ERC2: variants seen among roughly 807,000 people sequenced by gnomAD.
ERC2 encodes ERC protein 2.
Under a neutral mutation model 114.8 loss-of-function variants are expected in ERC2, and 42 were observed. The ratio of observed to expected loss-of-function variants is 0.37; its 90% CI spans 0.29 to 0.47. The LOEUF is 0.47. Ranked by LOEUF, ERC2 falls within the 20% of genes least tolerant of loss-of-function variation. ERC2 has a pLI of 0.99. For missense variants in ERC2, 939 were observed against 1,150.7 expected, an observed-to-expected ratio of 0.82 and a Z score of 2.66; for synonymous variants, 454 against 425.5, an observed-to-expected ratio of 1.07 and a Z score of -0.82.
At chr3:55,531,308 T>A (rs2053650896) in intron 17 of ERC2, among the ~76,000 whole-genome samples, 1 of 152,114 alleles carries the variant, frequency 6.6e-6, no homozygotes, top group East Asian at 1.9e-4. Context: ...GATGCAACCC[T>A]CAAGTCACAA....
intron 8 of ERC2, among the ~76,000 whole-genome samples, chr3:56,014,886 C>T (rs900179929): frequency 6.6e-6 from 1 of 152,072 alleles, no homozygotes; most frequent in Non-Finnish European, 1.5e-5. Context: ...ACAAATAAAA[C>T]TACTGCAGAG....
At chr3:55,675,983 C>T (rs1324488432) in intron 17 of ERC2, among the ~76,000 whole-genome samples, 3 of 127,326 alleles carry the variant, frequency 2.4e-5, no homozygotes, top group East Asian at 2.4e-4. Context: ...TGCAATGGCA[C>T]GGTCTCTGCT....
intron 14 of ERC2, among the ~76,000 whole-genome samples, chr3:55,747,493 C>A (rs772943343): frequency 1.3e-5 from 2 of 152,048 alleles, no homozygotes; most frequent in Non-Finnish European, 2.9e-5. Context: ...ACTGAAAGTC[C>A]AAATGAGTGA....
chr3:55,905,890 T>C (rs1028578960), intron 13 of ERC2, among the ~76,000 whole-genome samples: 1 of 152,186 alleles, frequency 6.6e-6, no homozygotes, highest in African/African-American at 2.4e-5. Flanking sequence ...TCCCTTCAGA[T>C]AAAGGAGCTG....
intron 14 of ERC2, among the ~76,000 whole-genome samples, chr3:55,799,782 G>A (rs1327612534): frequency 3.9e-5 from 6 of 152,116 alleles, no homozygotes; most frequent in Admixed American, 3.9e-4. Context: ...GCTTCCACCA[G>A]AGAACATTAT....
At chr3:56,179,301 C>T (rs141495409) in intron 3 of ERC2, among the ~76,000 whole-genome samples, 286 of 151,952 alleles carry the variant, frequency 1.9e-3, no homozygotes, top group African/African-American at 6.5e-3. Flanking sequence ...CAAAGAAGTG[C>T]AGGGGTGGGT....
intron 2 of ERC2, among the ~76,000 whole-genome samples, chr3:56,324,330 C>G (rs534086602): frequency 1.4e-3 from 217 of 152,320 alleles, no homozygotes; most frequent in Non-Finnish European, 2.2e-3. Flanking sequence ...CAGGGCCCAA[C>G]AGGCCACAAT....
Position 55,670,019 on chromosome 3 carries a change from T to C in ERC2, c.*39+13775A>G, listed in dbSNP as rs2061498406. 2.6e-5 allele frequency among the ~76,000 whole-genome samples: 4 copies of C among 152,190 alleles called. No individual in the cohort carries two copies. The South Asian group carries it at 6.2e-4, about 24-fold the overall frequency. On this transcript the variant is annotated intron_variant, in intron 17 of 17. Transcript: ENST00000288221. ...GAAAATAAAAACAACAAGGCTAGTA[T>C]TTATGGAGTGCCTTACTATGTACTA...
chr3:56,465,594 A>G (rs1476910939), intron 1 of ERC2, among the ~76,000 whole-genome samples: 3 of 152,208 alleles, frequency 2.0e-5, no homozygotes, highest in Non-Finnish European at 2.9e-5. Context: ...TTAAAACTCT[A>G]ATTGGAAATT....
intron 3 of ERC2, among the ~76,000 whole-genome samples, chr3:56,245,511 TG>T (rs2051625279): frequency 3.8e-5 from 1 of 26,312 alleles, no homozygotes; most frequent in Non-Finnish European, 6.6e-5. Context: ...TGTGGTATGT[TG>T]TGTGTGTGTG....
At chr3:55,883,962 T>A (rs1364845939) in intron 14 of ERC2, among the ~76,000 whole-genome samples, 1 of 152,090 alleles carries the variant, frequency 6.6e-6, no homozygotes, top group African/African-American at 2.4e-5. Context: ...ATAATGTTAA[T>A]AGATATGTAA....
chr3:56,268,801 C>T (rs1015510030), intron 3 of ERC2, among the ~76,000 whole-genome samples: 23 of 152,308 alleles, frequency 1.5e-4, no homozygotes, highest in African/African-American at 4.8e-4. Context: ...TCTAACAAAA[C>T]GTATCGCTTT....
chr3:55,965,325 A>G (rs6770904), intron 12 of ERC2, among the ~76,000 whole-genome samples: 57,791 of 152,142 alleles, frequency 0.38, 11,248 homozygotes, highest in Admixed American at 0.48. Flanking sequence ...GGACATTTAA[A>G]ATGCAGCCCA....
At chr3:56,058,575 G>T (rs6445764) in intron 7 of ERC2, among the ~76,000 whole-genome samples, 99,966 of 152,112 alleles carry the variant, frequency 0.66, 33,799 homozygotes, top group East Asian at 0.75. Flanking sequence ...GATGACACAT[G>T]AAGTCAGTGG....
chr3:56,263,954 T>A (rs887467781), intron 3 of ERC2, among the ~76,000 whole-genome samples: 1 of 152,140 alleles, frequency 6.6e-6, no homozygotes, highest in Non-Finnish European at 1.5e-5. Flanking sequence ...TTATTATACA[T>A]TGTGACCACA....
chr3:56,074,133 A>AT (rs1316081905), intron 7 of ERC2, among the ~76,000 whole-genome samples: 1 of 152,132 alleles, frequency 6.6e-6, no homozygotes, highest in Non-Finnish European at 1.5e-5. Context: ...AAAGTTAATG[A>AT]TCCCACTTGT....
intron 12 of ERC2, among the ~76,000 whole-genome samples, 171 bp from the exon 13 acceptor site, chr3:55,950,731 T>A (rs1345498963): frequency 1.3e-5 from 2 of 152,192 alleles, no homozygotes; most frequent in Admixed American, 1.3e-4. Flanking sequence ...GAGCATCCAC[T>A]TAATACCAGG....
chr3:55,743,680 A>G (rs2066125410), intron 14 of ERC2, among the ~76,000 whole-genome samples: 1 of 152,042 alleles, frequency 6.6e-6, no homozygotes, highest in African/African-American at 2.4e-5. Flanking sequence ...TAAAAAACAT[A>G]CCCACACAAA....
chr3:55,750,709 A>G (rs751286908), intron 14 of ERC2, among the ~76,000 whole-genome samples: 18 of 152,242 alleles, frequency 1.2e-4, no homozygotes, highest in African/African-American at 2.2e-4. Context: ...TCCTAGTTGC[A>G]TAACTTTCAA....
Sources: gnomAD v4.1 joint callset for allele counts (sites outside exome capture counted in the v4.1 genomes callset) on GRCh38, gnomAD v4.1.1 for gene constraint, MANE v1.5 for transcripts, NCBI Gene and HGNC (gene_info 2026-07-23, HGNC 2026-07-21) for gene names.